The following ETV6 variants were observed in gnomAD, a reference collection of about 807,000 sequenced individuals.
ETV6 encodes the protein ETS variant transcription factor 6, also known as transcription factor ETV6.
Under a neutral mutation model 51.1 loss-of-function variants are expected in ETV6, and 16 were observed. That is an observed-to-expected ratio of 0.31 (90% CI 0.21 to 0.48). The LOEUF (loss-of-function observed/expected upper bound fraction) is 0.48, where lower values mean the gene tolerates loss of function less well. Ranked by LOEUF, ETV6 falls within the 20% of genes least tolerant of loss-of-function variation. The probability of loss-of-function intolerance (pLI) is 0.99; values close to 1 mark genes in which losing one functional copy is unlikely to be tolerated. For missense variants in ETV6, 458 were observed against 594.8 expected (o/e 0.77, Z 2.39); for synonymous variants, 240 against 224.1 (o/e 1.07, Z -0.64).
chr12:11,746,166 G>A (rs1448783261), intron 1 of ETV6, among the ~76,000 whole-genome samples: 1 of 152,236 alleles, frequency 6.6e-6, no homozygotes, highest in East Asian at 1.9e-4. Context: ...TGAGGATGCA[G>A]AGCAACGAAA....
intron 2 of ETV6, among the ~76,000 whole-genome samples, chr12:11,776,661 A>T (rs1258210295): frequency 6.6e-6 from 1 of 152,250 alleles, no homozygotes; most frequent in Non-Finnish European, 1.5e-5. Flanking sequence ...GGGAGGCTAC[A>T]TATGGAAGTG....
At chr12:11,778,994 A>G (rs529281400) in intron 2 of ETV6, among the ~76,000 whole-genome samples, 3 of 152,342 alleles carry the variant, frequency 2.0e-5, no homozygotes, top group South Asian at 2.1e-4. Flanking sequence ...CCAGATTTAC[A>G]TTGTAAGTAG....
intron 1 of ETV6, among the ~76,000 whole-genome samples, chr12:11,739,157 ATGG>A (rs1865763602): frequency 6.6e-6 from 1 of 152,172 alleles, no homozygotes; most frequent in South Asian, 2.1e-4. Flanking sequence ...TAAGGGGCTC[ATGG>A]TCTCTGAGGA....
At chr12:11,717,710 C>T (rs1476223018) in intron 1 of ETV6, among the ~76,000 whole-genome samples, 1 of 152,204 alleles carries the variant, frequency 6.6e-6, no homozygotes, top group African/African-American at 2.4e-5. Context: ...TTTCCCAAGG[C>T]AATTTCTTAC....
At chr12:11,768,643 A>G (rs1336148387) in intron 2 of ETV6, among the ~76,000 whole-genome samples, 1 of 152,138 alleles carries the variant, frequency 6.6e-6, no homozygotes, top group Non-Finnish European at 1.5e-5. Context: ...TAGTCTGCAT[A>G]CTCTCGAAAT....
At chr12:11,860,061 C>T (rs926456397) in intron 4 of ETV6, among the ~76,000 whole-genome samples, 8 of 152,320 alleles carry the variant, frequency 5.3e-5, no homozygotes, top group Admixed American at 2.0e-4. Flanking sequence ...CTGAGCCAGG[C>T]ACCGGCTTCT....
intron 2 of ETV6, among the ~76,000 whole-genome samples, chr12:11,757,715 A>G (rs974193084): frequency 4.6e-5 from 7 of 152,180 alleles, no homozygotes; most frequent in African/African-American, 1.7e-4. Context: ...CATGGACTTG[A>G]AAGTAGAGGC....
chr12:11,685,197 A>G (rs545752241), intron 1 of ETV6, among the ~76,000 whole-genome samples: 50 of 151,904 alleles, frequency 3.3e-4, no homozygotes, highest in Admixed American at 1.5e-3. Flanking sequence ...TAATGTGTAG[A>G]TTTTCAGTGT....
At chr12:11,863,122 C>G (rs879854892) in intron 4 of ETV6, among the ~76,000 whole-genome samples, 25 of 152,138 alleles carry the variant, frequency 1.6e-4, no homozygotes, top group South Asian at 4.1e-4. Context: ...TTGATCTTAG[C>G]CTTTGCTCTC....
intron 3 of ETV6, 63 bp from the exon 4 acceptor site, chr12:11,853,364 C>T (rs551550837): frequency 2.5e-5 from 40 of 1,601,638 alleles, no homozygotes; most frequent in Middle Eastern, 3.7e-4. Flanking sequence ...GCTGCTGCTC[C>T]GTAGATCGTT....
At chr12:11,769,459 T>C (rs1429376960) in intron 2 of ETV6, among the ~76,000 whole-genome samples, 1 of 152,168 alleles carries the variant, frequency 6.6e-6, no homozygotes, top group Non-Finnish European at 1.5e-5. Context: ...AAAAACGATT[T>C]TGATGGTACC....
chr12:11,868,089 T>C (rs1946818306), intron 4 of ETV6, among the ~76,000 whole-genome samples: 2 of 152,346 alleles, frequency 1.3e-5, no homozygotes, highest in East Asian at 1.9e-4. Flanking sequence ...TCCTTACTTC[T>C]GCCTGTCTCT....
intron 5 of ETV6, among the ~76,000 whole-genome samples, chr12:11,872,494 CTTTTTTTTTTT>C (rs10528272): frequency 0.53 from 75,309 of 142,788 alleles, 20,154 homozygotes; most frequent in East Asian, 0.8. Context: ...AATTATATTA[CTTTTTTTTTTT>C]TTTTTTTTTT....
chr12:11,831,946 G>A (rs1468879328), intron 2 of ETV6, among the ~76,000 whole-genome samples: 1 of 152,198 alleles, frequency 6.6e-6, no homozygotes, highest in East Asian at 1.9e-4. Flanking sequence ...TCACTAAGTT[G>A]TTTGCCAGAG....
chr12:11,665,979 T>C (rs1353519000), intron 1 of ETV6, among the ~76,000 whole-genome samples: 1 of 152,236 alleles, frequency 6.6e-6, no homozygotes, highest in Non-Finnish European at 1.5e-5. Flanking sequence ...ATGTATTAAC[T>C]GATCATCCTT....
intron 1 of ETV6, among the ~76,000 whole-genome samples, chr12:11,673,127 A>C (rs1864350979): frequency 6.6e-6 from 1 of 152,200 alleles, no homozygotes; most frequent in African/African-American, 2.4e-5. Flanking sequence ...GGGCTCTCGC[A>C]GCGGGCCATT....
At chr12:11,835,877 G>A (rs1405912169) in intron 2 of ETV6, among the ~76,000 whole-genome samples, 1 of 152,232 alleles carries the variant, frequency 6.6e-6, no homozygotes, top group African/African-American at 2.4e-5. Flanking sequence ...CCTGGGTTCA[G>A]ATCTCCGCTT....
intron 3 of ETV6, among the ~76,000 whole-genome samples, chr12:11,852,529 A>G (rs2136488820): frequency 6.6e-6 from 1 of 152,354 alleles, no homozygotes; most frequent in South Asian, 2.1e-4. Flanking sequence ...CTCTGTAGGG[A>G]AAATTTCTGT....
chr12:11,671,989 T>G (rs1172823030), intron 1 of ETV6, among the ~76,000 whole-genome samples: 1 of 149,952 alleles, frequency 6.7e-6, no homozygotes, highest in Non-Finnish European at 1.5e-5. Context: ...TGTTTGGATC[T>G]GATCCTTTTT....
Sources: allele counts gnomAD v4.1 joint callset (sites outside exome capture counted in the v4.1 genomes callset), GRCh38; gene constraint gnomAD v4.1.1; transcripts MANE v1.5; gene names NCBI Gene and HGNC (gene_info 2026-07-23, HGNC 2026-07-21).